The following APBA1 variants were observed in gnomAD, a reference collection of about 807,000 sequenced individuals.
APBA1 encodes the protein amyloid beta precursor protein binding family A member 1, also known as amyloid-beta A4 precursor protein-binding family A member 1.
Under a neutral mutation model 86.6 loss-of-function variants are expected in APBA1, and 55 were observed. The observed-to-expected ratio is 0.64, with a 90% CI of 0.51 to 0.80. The LOEUF (loss-of-function observed/expected upper bound fraction) is 0.80. APBA1 is among the 30% of genes least tolerant of loss of function. The pLI, the probability that APBA1 is intolerant of heterozygous loss-of-function variation, is 0.00. For synonymous variants in APBA1, 511 were observed against 493.9 expected, an observed-to-expected ratio of 1.03 and a Z score of -0.46; for missense variants, 1,090 against 1,183.0, an observed-to-expected ratio of 0.92 and a Z score of 1.15.
chr9:69,441,142 T>C (rs556784591), intron 10 of APBA1, 27 bp from the exon 11 acceptor site: 3 of 1,605,350 alleles, frequency 1.9e-6, no homozygotes, highest in Middle Eastern at 3.3e-4. Flanking sequence ...GTACAGTGGG[T>C]ATGGTGACCA....
At chr9:69,432,060 T>C (rs1270375074) in intron 12 of APBA1, among the ~76,000 whole-genome samples, 1 of 151,950 alleles carries the variant, frequency 6.6e-6, no homozygotes, top group African/African-American at 2.4e-5. Context: ...CTGATAGGAG[T>C]GATGAATGGC....
chr9:69,575,690 T>C (rs1235355284), intron 1 of APBA1, among the ~76,000 whole-genome samples: 1 of 152,176 alleles, frequency 6.6e-6, no homozygotes, highest in African/African-American at 2.4e-5. Context: ...TCCTTACACC[T>C]TATACAAAAA....
intron 1 of APBA1, among the ~76,000 whole-genome samples, chr9:69,556,243 A>G (rs567201076): frequency 1.3e-5 from 2 of 152,278 alleles, no homozygotes; most frequent in South Asian, 4.1e-4. Flanking sequence ...AAAATATCGA[A>G]TCAGTTCAAA....
intron 1 of APBA1, among the ~76,000 whole-genome samples, chr9:69,622,796 G>T (rs1046158797): frequency 2.6e-5 from 4 of 152,124 alleles, no homozygotes; most frequent in African/African-American, 7.2e-5. Context: ...TCAAGCTAAA[G>T]ATTTTTCCCT....
In APBA1 at chr9:69,658,310, CTTTCTTTCTT is replaced by C. The variant is rs1823673587; in HGVS notation, c.-70+13833_-70+13842del. Among the ~76,000 whole-genome samples the C allele has an allele frequency of 2.7e-3, 165 of 61,780 alleles. 2 individuals carry two copies. The highest frequency in any genetic ancestry group is 7.0e-3 in the African/African-American group (147 of 20,882). The allele number at this position is 61,780 out of a possible 152,430, so 40.5% of individuals were successfully genotyped here. ...TCTCTCTCTTTCTCTCTCTCTCTTT[CTTTCTTTCTT>C]TCTTTCTTTCTTTCTTTCTTTCTTT... On this transcript the variant is annotated intron_variant, in intron 1 of 12. Coordinates refer to ENST00000265381, the MANE Select transcript of APBA1 (RefSeq NM_001163.4).
At position 69,432,117 on chromosome 9, in the gene APBA1, C is replaced by T. The variant is rs193132775; in HGVS notation, c.2442+419G>A. ...GCTGTGATGACTGACAGTAATGACA[C>T]GTCATGCCACACTGCACTGGGGTCA... On this transcript the variant is annotated intron_variant, in intron 12 of 12. Transcript: ENST00000265381. 3.1e-3 allele frequency among the ~76,000 whole-genome samples: 471 copies of T among 152,342 alleles called. 1 individual carries two copies. Among genetic ancestry groups the T allele is most frequent in the Non-Finnish European group, 4.7e-3 (321 of 68,022 alleles).
intron 1 of APBA1, among the ~76,000 whole-genome samples, chr9:69,656,199 C>A (rs923967300): frequency 7.9e-5 from 12 of 152,160 alleles, no homozygotes; most frequent in African/African-American, 2.9e-4. Context: ...AAAGTAGTCC[C>A]CACTTTGGAA....
chr9:69,520,580 G>A (rs1479416772), intron 1 of APBA1, among the ~76,000 whole-genome samples: 1 of 152,066 alleles, frequency 6.6e-6, no homozygotes, highest in Non-Finnish European at 1.5e-5. Context: ...GAAAGATGTG[G>A]GGGTTTTCTC....
At chr9:69,572,056 C>T (rs571451529) in intron 1 of APBA1, among the ~76,000 whole-genome samples, 3 of 152,294 alleles carry the variant, frequency 2.0e-5, no homozygotes, top group East Asian at 1.9e-4. Flanking sequence ...CAAGATAGTG[C>T]TGCTAGTGTT....
At position 69,432,436 on chromosome 9, in the gene APBA1, G is replaced by A. The variant is rs1009639186; in HGVS notation, c.2442+100C>T. On this transcript the variant is annotated intron_variant, in intron 12 of 12. Coordinates refer to ENST00000265381, the MANE Select transcript of APBA1 (RefSeq NM_001163.4). ...GAGTGTTCAGGATTGGAAACTCAGG[G>A]AGCTTTCCTGGAAGGTCTGCTCAGG... is the stretch of plus-strand genomic sequence containing the variant. 37 of 1,235,632 alleles carry A rather than the reference G, an allele frequency of 3.0e-5. 1 individual carries two copies. Among genetic ancestry groups the A allele is most frequent in the Middle Eastern group, 5.5e-4 (2 of 3,614 alleles). 76.5% of individuals were successfully genotyped at this position (1,235,632 alleles called of 1,614,324 possible).
chr9:69,565,448 G>C (rs761528214), intron 1 of APBA1, among the ~76,000 whole-genome samples: 6 of 151,928 alleles, frequency 3.9e-5, no homozygotes, highest in Non-Finnish European at 5.9e-5. Context: ...AATCATCTAC[G>C]CACCAGTGCT....
intron 1 of APBA1, among the ~76,000 whole-genome samples, chr9:69,667,909 G>C (rs934295713): frequency 1.3e-5 from 2 of 151,950 alleles, no homozygotes; most frequent in African/African-American, 2.4e-5. Context: ...AAATCCAATG[G>C]CTTTGCCTTG....
intron 10 of APBA1, among the ~76,000 whole-genome samples, chr9:69,444,351 C>T (rs1051812520): frequency 6.6e-5 from 10 of 152,198 alleles, no homozygotes; most frequent in African/African-American, 2.4e-4. Flanking sequence ...CCCATCGTCC[C>T]CATCGACAAA....
chr9:69,616,623 T>A (rs1037127541), intron 1 of APBA1, among the ~76,000 whole-genome samples: 5 of 152,172 alleles, frequency 3.3e-5, no homozygotes, highest in Admixed American at 2.0e-4. Context: ...AACTTAACAA[T>A]GAACTCCAGG....
intron 9 of APBA1, among the ~76,000 whole-genome samples, chr9:69,450,060 T>A (rs1022482038): frequency 6.9e-6 from 1 of 144,200 alleles, no homozygotes; most frequent in Non-Finnish European, 1.5e-5. Flanking sequence ...CCACCAGTTT[T>A]TTTTTTTTTT....
chr9:69,450,064 T>G (rs924215044), intron 9 of APBA1, among the ~76,000 whole-genome samples: 3 of 145,924 alleles, frequency 2.1e-5, no homozygotes, highest in Non-Finnish European at 3.0e-5. Context: ...CAGTTTTTTT[T>G]TTTTTTTTTT....
intron 1 of APBA1, among the ~76,000 whole-genome samples, chr9:69,633,010 C>T (rs1474153190): frequency 1.3e-5 from 2 of 151,720 alleles, no homozygotes; most frequent in African/African-American, 4.8e-5. Context: ...GCCTCTCCTA[C>T]AGGCCACAGC....
In APBA1 at chr9:69,476,132, A is replaced by G; in HGVS notation, c.1212T>C (p.Pro404=). 2 of 1,613,430 alleles carry G rather than the reference A, an allele frequency of 1.2e-6. No homozygotes were observed. The highest frequency in any genetic ancestry group is 2.2e-5 in the East Asian group (1 of 44,884). The change falls in exon 3 of 13, where the codon CCT becomes CCC. Residue 404 remains proline, a synonymous_variant. Transcript: ENST00000265381. ...QRPMDGDSPS[P]GSSSPLGAES... is the part of the protein sequence containing the mutation. ...CTGCACCCAAGGGGGAGGAGCTGCC[A>G]GGAGACGGAGACTAGAACACAGCAA...
rs571161305 is a variant in APBA1 at position 69,632,941 on chromosome 9, A to G, written c.-70+39212T>C. 2.0e-5 allele frequency among the ~76,000 whole-genome samples: 3 copies of G among 152,094 alleles called. No homozygotes were observed. In the South Asian group the frequency reaches 6.2e-4, roughly 32 times the overall value. Reference sequence around the variant, plus strand: ...GCAGGAGATAGGAGAGAGGCAGGAAAGTGAGGTCAGAGTATCGATTCCTCT... The same window carrying G: ...GCAGGAGATAGGAGAGAGGCAGGAAGGTGAGGTCAGAGTATCGATTCCTCT... On this transcript the variant is annotated intron_variant, in intron 1 of 12. Transcript: ENST00000265381.
Sources: allele counts gnomAD v4.1 joint callset (sites outside exome capture counted in the v4.1 genomes callset), GRCh38; gene constraint gnomAD v4.1.1; transcripts MANE v1.5; gene names NCBI Gene and HGNC (gene_info 2026-07-23, HGNC 2026-07-21).